The following ZBBX variants were observed in gnomAD, a reference collection of about 807,000 sequenced individuals.
The protein encoded by ZBBX is zinc finger B-box domain containing, also known as zinc finger B-box domain-containing protein 1.
A neutral mutation model predicts 108.5 loss-of-function variants in ZBBX; 101 were observed. The ratio of observed to expected loss-of-function variants is 0.93; its 90% CI spans 0.79 to 1.10. ZBBX has a LOEUF of 1.10. ZBBX is among the 50% of genes least tolerant of loss of function. The pLI is 0.00. For synonymous variants in ZBBX, 356 were observed against 323.4 expected (o/e 1.10, Z -1.08); for missense variants, 1,009 against 941.4 (o/e 1.07, Z -0.94).
At chr3:167,398,400 A>G (rs550987394) in intron 1 of ZBBX, among the ~76,000 whole-genome samples, 2 of 152,090 alleles carry the variant, frequency 1.3e-5, no homozygotes, top group Non-Finnish European at 2.9e-5. Flanking sequence ...AACATTGTCA[A>G]TAATATGCTT....
intron 6 of ZBBX, among the ~76,000 whole-genome samples, chr3:167,364,116 G>T (rs978066301): frequency 6.6e-6 from 1 of 151,566 alleles, no homozygotes; most frequent in Admixed American, 6.6e-5. Context: ...ATTCTTTGTT[G>T]TGGGGATTGT....
At chr3:167,348,368 G>GAAAGA (rs1431515037) in intron 9 of ZBBX, among the ~76,000 whole-genome samples, 2 of 111,582 alleles carry the variant, frequency 1.8e-5, no homozygotes, top group Non-Finnish European at 3.8e-5. Flanking sequence ...AAGAAAGAAA[G>GAAAGA]AAAAAAAAGA....
At chr3:167,387,849 C>T (rs1213192014) in intron 1 of ZBBX, among the ~76,000 whole-genome samples, 3 of 152,006 alleles carry the variant, frequency 2.0e-5, no homozygotes, top group Non-Finnish European at 4.4e-5. Flanking sequence ...AAGGATGACC[C>T]ACGTGTATTT....
chr3:167,284,043 GA>G (rs1729279095), intron 19 of ZBBX, among the ~76,000 whole-genome samples: 1 of 151,986 alleles, frequency 6.6e-6, no homozygotes, highest in African/African-American at 2.4e-5. Context: ...CAACTTTAGT[GA>G]AAATTTCAGA....
the ZBBX span, among the ~76,000 whole-genome samples, chr3:167,191,896 C>CATATATATATATATATATATATATAT: frequency 5.9e-5 from 4 of 67,950 alleles, no homozygotes; most frequent in Non-Finnish European, 7.6e-5. Flanking sequence ...TTACAAAAAT[C>CATATATATATATATATATATATATAT]ATATATATAT....
the ZBBX span, among the ~76,000 whole-genome samples, chr3:167,189,768 A>G: frequency 6.6e-6 from 1 of 152,192 alleles, no homozygotes; most frequent in Non-Finnish European, 1.5e-5. Context: ...ATTTATTATG[A>G]GCTGTGAAAC....
chr3:167,348,563 G>T (rs1002468729), intron 9 of ZBBX, among the ~76,000 whole-genome samples: 1 of 151,850 alleles, frequency 6.6e-6, no homozygotes, highest in African/African-American at 2.4e-5. Flanking sequence ...TTCAAAATGT[G>T]TATCTATATA....
chr3:167,338,689 C>T (rs1327175705), intron 9 of ZBBX, among the ~76,000 whole-genome samples: 1 of 152,010 alleles, frequency 6.6e-6, no homozygotes, highest in East Asian at 1.9e-4. Flanking sequence ...TAACCACAGC[C>T]TTGAATTAAA....
At chr3:167,232,394 C>A in the ZBBX span, among the ~76,000 whole-genome samples, 4 of 151,792 alleles carry the variant, frequency 2.6e-5, no homozygotes, top group South Asian at 8.3e-4. Flanking sequence ...TATCTGATAG[C>A]AGGAAGAGGC....
intron 8 of ZBBX, among the ~76,000 whole-genome samples, chr3:167,355,521 G>A (rs1743412190): frequency 6.6e-6 from 1 of 151,580 alleles, no homozygotes; most frequent in Non-Finnish European, 1.5e-5. Context: ...CCCTGGTGAA[G>A]GCCAAGGATA....
intron 8 of ZBBX, among the ~76,000 whole-genome samples, chr3:167,353,810 T>C (rs533859378): frequency 4.6e-5 from 7 of 152,024 alleles, no homozygotes; most frequent in African/African-American, 1.4e-4. Flanking sequence ...TTGTCCAGAG[T>C]CATACAAGCT....
intron 17 of ZBBX, among the ~76,000 whole-genome samples, chr3:167,303,966 C>T (rs182915189): frequency 6.6e-6 from 1 of 152,140 alleles, no homozygotes; most frequent in East Asian, 1.9e-4. Flanking sequence ...ACTTATCTTC[C>T]AGGGTAATAT....
chr3:167,203,386 C>T, the ZBBX span, among the ~76,000 whole-genome samples: 1 of 152,058 alleles, frequency 6.6e-6, no homozygotes, highest in African/African-American at 2.4e-5. Flanking sequence ...TTTCAAGGTA[C>T]TAGAGGTTGG....
chr3:167,385,822 C>G (rs893703299), intron 1 of ZBBX, among the ~76,000 whole-genome samples: 11 of 152,016 alleles, frequency 7.2e-5, no homozygotes, highest in African/African-American at 2.7e-4. Context: ...TTGTATATGT[C>G]ATCCCGTCAC....
At chr3:167,179,130 T>C in the ZBBX span, among the ~76,000 whole-genome samples, 1 of 151,840 alleles carries the variant, frequency 6.6e-6, no homozygotes, top group Non-Finnish European at 1.5e-5. Context: ...GATTGGCATG[T>C]AGCCCAGACA....
intron 20 of ZBBX, among the ~76,000 whole-genome samples, chr3:167,266,833 C>T (rs752050749): frequency 6.6e-6 from 1 of 152,130 alleles, no homozygotes; most frequent in Non-Finnish European, 1.5e-5. Flanking sequence ...TATGGGGAGC[C>T]CATTCTTCTC....
chr3:167,314,682 A>G (rs1387072208), intron 15 of ZBBX, among the ~76,000 whole-genome samples: 2 of 152,154 alleles, frequency 1.3e-5, no homozygotes, highest in East Asian at 3.8e-4. Flanking sequence ...ATTATATTCA[A>G]CCGAAAAGGC....
the ZBBX span, among the ~76,000 whole-genome samples, chr3:167,204,358 A>G: frequency 1.3e-5 from 2 of 148,820 alleles, no homozygotes; most frequent in South Asian, 4.3e-4. Flanking sequence ...GTCATCTAGC[A>G]TTAGGTATAT....
At chr3:167,281,420 T>C (rs1021066550) in intron 20 of ZBBX, among the ~76,000 whole-genome samples, 2 of 152,106 alleles carry the variant, frequency 1.3e-5, no homozygotes, top group Non-Finnish European at 2.9e-5. Context: ...AATAGCAAAG[T>C]CGTTACTCCA....
Sources: gnomAD v4.1 joint callset for allele counts (sites outside exome capture counted in the v4.1 genomes callset) on GRCh38, gnomAD v4.1.1 for gene constraint, MANE v1.5 for transcripts, NCBI Gene and HGNC (gene_info 2026-07-23, HGNC 2026-07-21) for gene names.